Variants in RANBP17 observed in about 807,000 individuals in gnomAD.
RANBP17 encodes ran-binding protein 17.
A neutral mutation model predicts 141.2 loss-of-function variants in RANBP17; 158 were observed. The observed-to-expected ratio is 1.12, with a 90% CI of 0.98 to 1.28. The LOEUF (loss-of-function observed/expected upper bound fraction) is 1.28. RANBP17 is among the 50% of genes most tolerant of loss of function. The pLI, the probability that RANBP17 is intolerant of heterozygous loss-of-function variation, is 0.00. For synonymous variants in RANBP17, 430 were observed against 450.0 expected (o/e 0.96, Z 0.56); for missense variants, 1,438 against 1,290.7 (o/e 1.11, Z -1.75).
intron 25 of RANBP17, among the ~76,000 whole-genome samples, chr5:171,278,957 G>T (rs753665690): frequency 6.6e-6 from 1 of 152,110 alleles, no homozygotes; most frequent in Non-Finnish European, 1.5e-5. Context: ...GTCCTTGAGG[G>T]GAAAATATCC....
chr5:171,036,053 C>T (rs1474637869), intron 14 of RANBP17, among the ~76,000 whole-genome samples: 4 of 152,020 alleles, frequency 2.6e-5, no homozygotes, highest in Admixed American at 6.6e-5. Context: ...CTTCCATGCC[C>T]AGCTAATTTT....
intron 13 of RANBP17, among the ~76,000 whole-genome samples, chr5:170,967,467 C>A (rs1198640208): frequency 1.3e-5 from 2 of 151,738 alleles, no homozygotes; most frequent in African/African-American, 4.8e-5. Flanking sequence ...AGGTACTTGG[C>A]GGTCATCCAC....
intron 6 of RANBP17, 149 bp from the exon 7 acceptor site, chr5:170,910,820 G>A: frequency 4.3e-6 from 3 of 697,086 alleles, no homozygotes; most frequent in South Asian, 2.1e-5. Flanking sequence ...CTTGAAGAAG[G>A]TAACATTACT....
At chr5:171,231,422 G>A (rs114127056) in intron 22 of RANBP17, among the ~76,000 whole-genome samples, 1,550 of 152,032 alleles carry the variant, frequency 0.01, 24 homozygotes, top group African/African-American at 0.036. Flanking sequence ...GTACTGTTTT[G>A]TACCAAATAC....
At chr5:170,966,253 T>C (rs1188923712) in intron 13 of RANBP17, among the ~76,000 whole-genome samples, 2 of 152,048 alleles carry the variant, frequency 1.3e-5, no homozygotes, top group South Asian at 2.1e-4. Context: ...AAGAGAATTT[T>C]AGACCAATAT....
chr5:171,083,514 A>C (rs977115987), intron 14 of RANBP17, among the ~76,000 whole-genome samples: 1 of 152,230 alleles, frequency 6.6e-6, no homozygotes, highest in Admixed American at 6.5e-5. Context: ...CTGAACTAAG[A>C]CAATTACAGT....
intron 3 of RANBP17, among the ~76,000 whole-genome samples, chr5:170,885,976 C>T (rs910235885): frequency 6.6e-6 from 1 of 151,892 alleles, no homozygotes; most frequent in African/African-American, 2.4e-5. Flanking sequence ...AGAGCTTCCT[C>T]CAGCAGGAAT....
intron 14 of RANBP17, among the ~76,000 whole-genome samples, chr5:170,972,396 C>T (rs1777055378): frequency 6.6e-6 from 1 of 151,986 alleles, no homozygotes; most frequent in African/African-American, 2.4e-5. Context: ...GTTGGCCAGG[C>T]TGGTTTCGAA....
At chr5:171,230,061 G>A (rs1017120630) in intron 22 of RANBP17, among the ~76,000 whole-genome samples, 7 of 151,734 alleles carry the variant, frequency 4.6e-5, no homozygotes, top group South Asian at 2.1e-4. Flanking sequence ...GCGAAACTCC[G>A]TCTCAAAAAA....
chr5:171,160,649 A>G (rs1759283957), intron 14 of RANBP17, among the ~76,000 whole-genome samples: 4 of 152,120 alleles, frequency 2.6e-5, no homozygotes, highest in Admixed American at 2.6e-4. Flanking sequence ...ATTACCTCCT[A>G]TTTTGTGATA....
intron 12 of RANBP17, among the ~76,000 whole-genome samples, chr5:170,946,033 C>T (rs1267149561): frequency 1.3e-5 from 2 of 152,034 alleles, no homozygotes; most frequent in African/African-American, 4.8e-5. Context: ...TCCCTTTTAC[C>T]AATCTTGAGA....
chr5:170,916,529 C>G lies in RANBP17; in HGVS notation c.899C>G (p.Ala300Gly). 6.3e-7 allele frequency: 1 copy of G among 1,584,386 alleles called. No homozygotes were observed. The highest frequency in any genetic ancestry group is 8.6e-7 in the Non-Finnish European group (1 of 1,161,972). The change falls in exon 9 of 28, where the codon GCC becomes GGC. Residue 300 changes from alanine (A) to glycine (G), a missense_variant. Physicochemically the swap from Ala to Gly is moderately conservative, Grantham distance 60. Coordinates refer to ENST00000523189, the MANE Select transcript of RANBP17 (RefSeq NM_022897.5). Reference sequence around the variant, plus strand: ...TCCTTATTTAACAGTCCTGAACGTGCCAAGTACCTTGGTAATTTAATTAAG... The same window carrying G: ...TCCTTATTTAACAGTCCTGAACGTGGCAAGTACCTTGGTAATTTAATTAAG... ...RRSLFNSPER[A>G]KYLGNLIKGV...
At chr5:171,016,791 A>C (rs915304270) in intron 14 of RANBP17, among the ~76,000 whole-genome samples, 27 of 145,516 alleles carry the variant, frequency 1.9e-4, no homozygotes, top group African/African-American at 7.0e-4. Context: ...TGTCTTCTTT[A>C]AAAAAAAAAG....
At chr5:170,944,820 T>C (rs1319881480) in intron 12 of RANBP17, among the ~76,000 whole-genome samples, 1 of 152,224 alleles carries the variant, frequency 6.6e-6, no homozygotes, top group Admixed American at 6.5e-5. Context: ...CATTCTTTGA[T>C]CTAATAAGTT....
chr5:170,965,239 G>C (rs2127523129), intron 13 of RANBP17, among the ~76,000 whole-genome samples: 1 of 91,544 alleles, frequency 1.1e-5, no homozygotes, highest in Middle Eastern at 7.8e-3. Flanking sequence ...ACTTTTTGAT[G>C]GGGTTGTTTT....
At chr5:170,905,140 T>C (rs1314729424) in intron 5 of RANBP17, among the ~76,000 whole-genome samples, 6 of 152,172 alleles carry the variant, frequency 3.9e-5, no homozygotes, top group Non-Finnish European at 2.9e-5. Flanking sequence ...ATTTTTACCC[T>C]GTACAAGGGG....
rs776091435 is a variant in RANBP17 at position 170,919,565 on chromosome 5, C to T, written c.1226C>T (p.Thr409Met). ...TTAGACACTTATGCACCAGAAATCA[C>T]GAAGGCCTTTATCACTTCTCGGTTG... The part of the protein sequence containing the change: ...HLLDTYAPEI[T>M]KAFITSRLDS... The change falls in exon 11 of 28, where the codon ACG becomes ATG. Residue 409 changes from threonine to methionine, a missense_variant. Physicochemically the swap from Thr to Met is moderately conservative, Grantham distance 81. Transcript: ENST00000523189. 5.6e-6 allele frequency: 9 copies of T among 1,610,636 alleles called. No individual in the cohort carries two copies. Among genetic ancestry groups the T allele is most frequent in the East Asian group, 2.2e-5 (1 of 44,726 alleles).
chr5:171,176,388 T>C (rs1228950586), intron 16 of RANBP17, among the ~76,000 whole-genome samples: 1 of 152,132 alleles, frequency 6.6e-6, no homozygotes, highest in Non-Finnish European at 1.5e-5. Flanking sequence ...AAGACTAAAA[T>C]AGTGATTTTT....
rs541144858 is a variant in RANBP17 at position 170,955,302 on chromosome 5, G to A, written c.1574+1600G>A. Reference sequence around the variant, plus strand: ...AGGTAACAAATGTATTATTTCAATTGGTATTTATTTGGTTACTAGTAGAAT... The same window carrying A: ...AGGTAACAAATGTATTATTTCAATTAGTATTTATTTGGTTACTAGTAGAAT... On this transcript the variant is annotated intron_variant, in intron 13 of 27. Transcript: ENST00000523189. Among the ~76,000 whole-genome samples the A allele has an allele frequency of 2.0e-5, 3 of 151,498 alleles. No homozygotes were observed. In the South Asian group the frequency reaches 6.3e-4, roughly 32 times the overall value.
Sources: allele counts gnomAD v4.1 joint callset (sites outside exome capture counted in the v4.1 genomes callset), GRCh38; gene constraint gnomAD v4.1.1; transcripts MANE v1.5; gene names NCBI Gene and HGNC (gene_info 2026-07-23, HGNC 2026-07-21).